The following GTSE1 variants were observed in gnomAD, a reference collection of about 807,000 sequenced individuals.
GTSE1 encodes G2 and S phase-expressed protein 1.
GTSE1 carries 52 observed loss-of-function variants against 60.5 expected under a neutral mutation model. The ratio of observed to expected loss-of-function variants is 0.86; its 90% CI spans 0.69 to 1.08. The LOEUF (loss-of-function observed/expected upper bound fraction) is 1.08, where lower values mean the gene tolerates loss of function less well. Ranked by LOEUF, GTSE1 falls within the 50% of genes least tolerant of loss-of-function variation. The pLI is 0.00. For missense variants in GTSE1, 937 were observed against 961.8 expected, an observed-to-expected ratio of 0.97 and a Z score of 0.34; for synonymous variants, 368 against 386.5, an observed-to-expected ratio of 0.95 and a Z score of 0.56.
chr22:46,312,217 C>T lies in GTSE1; in HGVS notation c.839C>T (p.Pro280Leu). 1 of 1,614,164 alleles carries T rather than the reference C, an allele frequency of 6.2e-7. No individual in the cohort carries two copies. The highest frequency in any genetic ancestry group is 8.5e-7 in the Non-Finnish European group (1 of 1,180,010). ...AEKESHRDVL[P>L]DKPAPGAVNV... ...AAGGAATCCCACCGGGATGTTCTCC[C>T]TGACAAACCTGCCCCGGGTGCTGTC... Residue 280 changes from proline (P) to leucine (L), a missense_variant, in exon 5 of 12, where the codon CCT becomes CTT. Coordinates refer to ENST00000454366, the MANE Select transcript of GTSE1 (RefSeq NM_016426.7).
intron 9 of GTSE1, among the ~76,000 whole-genome samples, chr22:46,328,086 C>T (rs891523507): frequency 5.3e-5 from 8 of 152,214 alleles, no homozygotes; most frequent in Admixed American, 2.0e-4. Flanking sequence ...GATGGACCTG[C>T]GGCTTTGCTG....
In GTSE1 at chr22:46,326,498, G is replaced by A. The variant is rs998950230; in HGVS notation, c.1568G>A (p.Ser523Asn). Residue 523 changes from serine to asparagine, a missense_variant, in exon 9 of 12, where the codon AGC (serine) becomes AAC (asparagine). Physicochemically the swap from Ser to Asn is conservative, Grantham distance 46 (BLOSUM62 1). Transcript: ENST00000454366. ...SSGPAPQSLL[S>N]AWRVSALPTP... ...GGGCCAGCACCACAAAGCCTGCTGAGCGCATGGCGTGTGTCAGCCTTGCCC... is the reference window on the plus strand; with the variant it reads ...GGGCCAGCACCACAAAGCCTGCTGAACGCATGGCGTGTGTCAGCCTTGCCC... 1.9e-6 allele frequency: 3 copies of A among 1,613,978 alleles called. No individual in the cohort carries two copies. The highest frequency in any genetic ancestry group is 2.7e-5 in the African/African-American group (2 of 74,956).
In GTSE1 at chr22:46,310,664, C is replaced by A. The variant is rs2077743037; in HGVS notation, c.763-1477C>A. ...AGAAACACTACTGGGCGTGGTAGCTCACACCTGTGATCACAGCACTTTGGG... is the reference window on the plus strand; with the variant it reads ...AGAAACACTACTGGGCGTGGTAGCTAACACCTGTGATCACAGCACTTTGGG... On this transcript the variant is annotated intron_variant, in intron 4 of 11. Transcript: ENST00000454366. This position sits in a 1 kb window ranked among gnomAD's most constrained non-coding sequence, Gnocchi z 4.4. Among the ~76,000 whole-genome samples the A allele has an allele frequency of 1.3e-5, 2 of 152,200 alleles. No homozygotes were observed. The highest frequency in any genetic ancestry group is 4.8e-5 in the African/African-American group (2 of 41,450).
Position 46,314,616 on chromosome 22 carries a change from C to T in GTSE1, c.1051+603C>T, listed in dbSNP as rs1300462809. Among the ~76,000 whole-genome samples the T allele has an allele frequency of 6.6e-6, 1 of 152,140 alleles. No individual in the cohort carries two copies. Among genetic ancestry groups the T allele is most frequent in the African/African-American group, 2.4e-5 (1 of 41,446 alleles). On this transcript the variant is annotated intron_variant, in intron 6 of 11. Transcript: ENST00000454366. This position sits in a 1 kb window ranked among gnomAD's most constrained non-coding sequence, Gnocchi z 7.1. ...GTGGGCCGGGCGCAGGGGCTCACGC[C>T]TGTGATCCCAGCACTTTGGCAGGCC...
At chr22:46,322,845 G>C (rs529810948) in intron 7 of GTSE1, among the ~76,000 whole-genome samples, 1 of 152,216 alleles carries the variant, frequency 6.6e-6, no homozygotes, top group Non-Finnish European at 1.5e-5. Context: ...TGCAGGTGCC[G>C]TCTGACAAGT....
rs193100930 is a variant in GTSE1 at position 46,316,435 on chromosome 22, T to G, written c.1432+23T>G. Reference sequence around the variant, plus strand: ...TTGGTGAGTAATAGATACATTTTAATGTGTCTTTAAAAAATACTGAAGAAA... The same window carrying G: ...TTGGTGAGTAATAGATACATTTTAAGGTGTCTTTAAAAAATACTGAAGAAA... On this transcript the variant is annotated intron_variant, in intron 7 of 11. Coordinates refer to ENST00000454366, the MANE Select transcript of GTSE1 (RefSeq NM_016426.7). This position sits in a 1 kb window ranked among gnomAD's most constrained non-coding sequence, Gnocchi z 5.0. The G allele has an allele frequency of 1.5e-6, 2 of 1,359,790 alleles. No individual in the cohort carries two copies. The highest frequency in any genetic ancestry group is 1.9e-4 in the Middle Eastern group (1 of 5,170). The allele number at this position is 1,359,790 out of a possible 1,614,324, so 84.2% of individuals were successfully genotyped here.
Position 46,304,204 on chromosome 22 carries a change from G to T in GTSE1, c.80-3946G>T, listed in dbSNP as rs578164770. On this transcript the variant is annotated intron_variant, in intron 2 of 11. Coordinates refer to ENST00000454366, the MANE Select transcript of GTSE1 (RefSeq NM_016426.7). This position sits in a 1 kb window ranked among gnomAD's most constrained non-coding sequence, Gnocchi z 4.4. ...GCTGGGGTCTCGCTATGTTGCGAGG[G>T]CTGGCCTTGAACCCCTGGGCCTCAA... Among the ~76,000 whole-genome samples the T allele has an allele frequency of 1.3e-5, 2 of 152,020 alleles. No homozygotes were observed. The highest frequency in any genetic ancestry group is 4.2e-4 in the South Asian group (2 of 4,790).
rs544915549 is a variant in GTSE1, at chr22:46,310,630, G to A, written c.763-1511G>A. On this transcript the variant is annotated intron_variant, in intron 4 of 11. Transcript: ENST00000454366. The surrounding 1 kb of genome is among the most constrained non-coding windows in gnomAD (Gnocchi z 4.4). ...CTATCCAAACAATGGTTTATTTTTG[G>A]CAATAAAAAGAAACACTACTGGGCG... Among the ~76,000 whole-genome samples, 210 of 152,180 alleles carry A rather than the reference G, an allele frequency of 1.4e-3. No homozygotes were observed. Among genetic ancestry groups the A allele is most frequent in the Middle Eastern group, 3.2e-3 (1 of 316 alleles).
In GTSE1 at chr22:46,326,420, ATGT is replaced by A. The variant is rs764914749; in HGVS notation, c.1506-12_1506-10del. On this transcript the variant is annotated splice_polypyrimidine_tract_variant and intron_variant, in intron 8 of 11. Transcript: ENST00000454366. ...TATGTCATCTCAGCTCACGACACTG[ATGT>A]TGTGTTTGCCAGGGTCACTGTCCAC... is the stretch of plus-strand genomic sequence containing the variant. 2.5e-6 allele frequency: 4 copies of A among 1,579,454 alleles called. No homozygotes were observed. The African/African-American group carries it at 4.0e-5, about 16-fold the overall frequency.
At chr22:46,326,145 C>T (rs894647117) in intron 8 of GTSE1, among the ~76,000 whole-genome samples, 3 of 152,252 alleles carry the variant, frequency 2.0e-5, no homozygotes, top group East Asian at 1.9e-4. Flanking sequence ...TGGTAGCATC[C>T]GTAAAGTGTA....
Position 46,308,550 on chromosome 22 carries a change from T to G in GTSE1, c.369T>G (p.Ala123=). 6.2e-7 allele frequency: 1 copy of G among 1,614,186 alleles called. No individual in the cohort carries two copies. The highest frequency in any genetic ancestry group is 2.2e-5 in the East Asian group (1 of 44,884). ...ESSSRNQAAQ[A]AKPEDPRSQG... The stretch of plus-strand genomic sequence containing the variant: ...GCAGCCGGAACCAGGCAGCCCAAGC[T>G]GCCAAGCCTGAAGACCCTCGGAGCC... The change falls in exon 4 of 12, where the codon GCT becomes GCG. Residue 123 remains alanine, a synonymous_variant. Transcript: ENST00000454366.
chr22:46,311,955 T>A (rs867535278), intron 4 of GTSE1, among the ~76,000 whole-genome samples, 186 bp from the exon 5 acceptor site: 2 of 152,220 alleles, frequency 1.3e-5, no homozygotes, highest in Non-Finnish European at 2.9e-5. Flanking sequence ...TCATCACTTA[T>A]GTCCATAGTG....
intron 2 of GTSE1, among the ~76,000 whole-genome samples, chr22:46,305,587 T>C (rs1413722103): frequency 1.3e-3 from 161 of 128,708 alleles, no homozygotes; most frequent in Middle Eastern, 6.3e-3. Flanking sequence ...CCAGCCTGAG[T>C]GACAGAGTGA....
rs542112803 is a variant in GTSE1, at chr22:46,321,143, T to G, written c.1433-2047T>G. On this transcript the variant is annotated intron_variant, in intron 7 of 11. Coordinates refer to ENST00000454366, the MANE Select transcript of GTSE1 (RefSeq NM_016426.7). The surrounding 1 kb of genome is among the most constrained non-coding windows in gnomAD (Gnocchi z 4.0). ...GTGCGGGGTCAGTGACCCAAGAATG[T>G]TCCCAAAAGACAGGGATTATGGGAT... Among the ~76,000 whole-genome samples the G allele has an allele frequency of 2.5e-4, 38 of 152,228 alleles. 2 individuals are homozygous for G. In the South Asian group the frequency reaches 7.7e-3, roughly 31 times the overall value.
At chr22:46,303,782 T>C (rs987572501) in intron 2 of GTSE1, among the ~76,000 whole-genome samples, 2 of 152,238 alleles carry the variant, frequency 1.3e-5, no homozygotes, top group Non-Finnish European at 2.9e-5. Flanking sequence ...CTCTGGTGAC[T>C]CACTTGGCCA....
intron 2 of GTSE1, among the ~76,000 whole-genome samples, chr22:46,301,422 C>T (rs1221874508): frequency 1.3e-5 from 2 of 151,938 alleles, no homozygotes; most frequent in Non-Finnish European, 2.9e-5. Flanking sequence ...ATAGTTCATA[C>T]ATCTTTGAGT....
rs755077489 is a variant in GTSE1, at chr22:46,329,390, C to T, written c.1959C>T (p.Leu653=). 8 of 1,614,126 alleles carry T rather than the reference C, an allele frequency of 5.0e-6. No homozygotes were observed. Among genetic ancestry groups the T allele is most frequent in the African/African-American group, 2.7e-5 (2 of 75,054 alleles). ...ALLVDIKLEP[L]AVTPDAASQP... is the part of the protein sequence containing the mutation. ...TTGTAGATATCAAACTGGAACCACT[C>T]GCGGTCACTCCAGATGCTGCAAGCC... The change falls in exon 11 of 12, where the codon CTC becomes CTT. Residue 653 remains leucine, a synonymous_variant. Transcript: ENST00000454366. This position sits in a 1 kb window ranked among gnomAD's most constrained non-coding sequence, Gnocchi z 6.4.
rs1448641672 is a variant in GTSE1 at position 46,319,206 on chromosome 22, C to T, written c.1432+2794C>T. ...CCCGAGGCCGGCTCCCAGAGCGCCG[C>T]GTGACCAGAGCGGACCCTGGAGTAC... On this transcript the variant is annotated intron_variant, in intron 7 of 11. Coordinates refer to ENST00000454366, the MANE Select transcript of GTSE1 (RefSeq NM_016426.7). This position sits in a 1 kb window ranked among gnomAD's most constrained non-coding sequence, Gnocchi z 5.0. 6.6e-6 allele frequency among the ~76,000 whole-genome samples: 1 copy of T among 152,174 alleles called. No individual in the cohort carries two copies. The highest frequency in any genetic ancestry group is 1.9e-4 in the East Asian group (1 of 5,182).
rs770074189 is a variant in GTSE1, at chr22:46,316,081, G to A, written c.1101G>A (p.Leu367=). Residue 367 remains leucine (L), a synonymous_variant, in exon 7 of 12, where the codon CTG becomes CTA. Transcript: ENST00000454366. This position sits in a 1 kb window ranked among gnomAD's most constrained non-coding sequence, Gnocchi z 5.0. ...TTCCTGCAAATAGCTCCCGGCCTCT[G>A]TCAAACATCAGCAAGTCAGGCAGAA... ...ASIPANSSRP[L]SNISKSGRMG... is the part of the protein sequence containing the mutation. 8.4e-6 allele frequency: 13 copies of A among 1,542,010 alleles called. No individual in the cohort carries two copies. In the East Asian group the frequency reaches 3.0e-4, roughly 35 times the overall value.
Sources: gnomAD v4.1 joint callset for allele counts (sites outside exome capture counted in the v4.1 genomes callset) on GRCh38, gnomAD v4.1.1 for gene constraint, Gnocchi (gnomAD v3.1) non-coding constraint, MANE v1.5 for transcripts, NCBI Gene and HGNC (gene_info 2026-07-23, HGNC 2026-07-21) for gene names.